TCF7L2: variants seen among roughly 807,000 people sequenced by gnomAD.
TCF7L2 encodes the protein transcription factor 7 like 2, also known as transcription factor 7-like 2.
Under a neutral mutation model 77.9 loss-of-function variants are expected in TCF7L2, and 23 were observed. The observed-to-expected ratio is 0.30, with a 90% confidence interval of 0.21 to 0.42. TCF7L2 has a LOEUF of 0.42. Ranked by LOEUF, TCF7L2 falls within the 10% of genes least tolerant of loss-of-function variation. The pLI is 1.00. For missense variants in TCF7L2, 654 were observed against 793.1 expected (o/e 0.82, Z 2.11); for synonymous variants, 413 against 340.2 (o/e 1.21, Z -2.36).
chr10:113,075,871 G>A (rs1368114903), intron 5 of TCF7L2, among the ~76,000 whole-genome samples: 8 of 151,694 alleles, frequency 5.3e-5, no homozygotes, highest in African/African-American at 7.3e-5. Flanking sequence ...TCTTACAGCC[G>A]GGGCCTGTAA....
At chr10:113,093,670 A>C (rs1373549529) in intron 5 of TCF7L2, among the ~76,000 whole-genome samples, 1 of 152,110 alleles carries the variant, frequency 6.6e-6, no homozygotes, top group Non-Finnish European at 1.5e-5. Context: ...GTCAATATCC[A>C]CCTGGGCAGG....
chr10:113,112,658 A>G (rs2136123440), intron 5 of TCF7L2, among the ~76,000 whole-genome samples: 1 of 152,354 alleles, frequency 6.6e-6, no homozygotes, highest in African/African-American at 2.4e-5. Context: ...ACTTCATGTG[A>G]ACAGCAAAAG....
At chr10:113,142,559 G>T (rs1204069073) in intron 6 of TCF7L2, among the ~76,000 whole-genome samples, 1 of 152,194 alleles carries the variant, frequency 6.6e-6, no homozygotes, top group South Asian at 2.1e-4. Context: ...TGTTAGAGGG[G>T]ATTGGTAGTG....
intron 5 of TCF7L2, among the ~76,000 whole-genome samples, chr10:113,088,969 A>G (rs2060104689): frequency 6.6e-6 from 1 of 152,162 alleles, no homozygotes. Flanking sequence ...CAGCTCCCCA[A>G]ACAGCTGAAG....
At chr10:112,997,990 AC>A (rs1182937485) in intron 4 of TCF7L2, among the ~76,000 whole-genome samples, 6 of 152,304 alleles carry the variant, frequency 3.9e-5, no homozygotes, top group African/African-American at 1.4e-4. Flanking sequence ...TGACAGTAAA[AC>A]AAAAAACAAA....
chr10:112,980,767 C>T (rs906422468), intron 4 of TCF7L2, among the ~76,000 whole-genome samples: 1 of 152,092 alleles, frequency 6.6e-6, no homozygotes, highest in African/African-American at 2.4e-5. Flanking sequence ...GCTGGGACTA[C>T]AGGCATCCAC....
chr10:113,084,846 A>C lies in TCF7L2; in HGVS notation c.552+44720A>C, dbSNP rs1000035390. ...GGGAGGCGGAGGTTGCAGTGAGCTG[A>C]GATTGCACCCCTGCACTCCAGCCTG... On this transcript the variant is annotated intron_variant, in intron 5 of 13. Transcript: ENST00000627217. Among the ~76,000 whole-genome samples the C allele has an allele frequency of 2.0e-5, 3 of 151,060 alleles. No homozygotes were observed. The East Asian group carries it at 5.9e-4, about 30-fold the overall frequency.
chr10:112,992,102 A>G (rs562567800), intron 4 of TCF7L2, among the ~76,000 whole-genome samples: 1 of 152,248 alleles, frequency 6.6e-6, no homozygotes, highest in Admixed American at 6.5e-5. Flanking sequence ...CCCTGGCAGG[A>G]TGCAGACTCC....
chr10:113,038,587 A>T (rs886260769), intron 4 of TCF7L2, among the ~76,000 whole-genome samples: 3 of 151,960 alleles, frequency 2.0e-5, no homozygotes, highest in African/African-American at 7.2e-5. Flanking sequence ...ATTTGTGCAA[A>T]CCCTTCTTTC....
At chr10:112,958,259 A>G (rs1348032169) in intron 3 of TCF7L2, among the ~76,000 whole-genome samples, 3 of 152,194 alleles carry the variant, frequency 2.0e-5, no homozygotes, top group Non-Finnish European at 4.4e-5. Context: ...GGAGGAAGGA[A>G]TGGCCAGGAG....
chr10:113,070,629 G>T (rs2057877558), intron 5 of TCF7L2, among the ~76,000 whole-genome samples: 1 of 152,130 alleles, frequency 6.6e-6, no homozygotes, highest in Non-Finnish European at 1.5e-5. Flanking sequence ...CCCACAGAAG[G>T]TACTGAAGTC....
At chr10:112,964,661 T>C in intron 4 of TCF7L2, 37 bp downstream of exon 4, 5 of 1,564,776 alleles carry the variant, frequency 3.2e-6, no homozygotes, top group Non-Finnish European at 4.4e-6. Flanking sequence ...TTGAATTGTC[T>C]ATATGTAGGT....
chr10:113,070,271 A>ATATG, intron 5 of TCF7L2, among the ~76,000 whole-genome samples: 1 of 135,058 alleles, frequency 7.4e-6, no homozygotes, highest in South Asian at 2.2e-4. Context: ...AAAAAAATTT[A>ATATG]TATATATATA....
rs74236159 is a variant in TCF7L2, at chr10:113,163,352, T to C, written c.1392-2203T>C. Among the ~76,000 whole-genome samples the C allele has an allele frequency of 2.1e-3, 326 of 152,324 alleles. 14 individuals are homozygous for C. In the East Asian group the frequency reaches 0.056, roughly 26 times the overall value. The stretch of plus-strand genomic sequence containing the variant: ...CCCACCAAGTTGCTTTTCCCATCTT[T>C]TCACTCTGCCCTAATATAGCATGGA... On this transcript the variant is annotated intron_variant, in intron 13 of 13. Transcript: ENST00000627217.
chr10:113,161,504 A>G (rs1475980708), intron 13 of TCF7L2: 3 of 1,477,102 alleles, frequency 2.0e-6, no homozygotes, highest in Non-Finnish European at 2.7e-6. Flanking sequence ...GATACCGACT[A>G]GCTCCTGTCT....
intron 5 of TCF7L2, among the ~76,000 whole-genome samples, chr10:113,077,881 A>G (rs1475973902): frequency 2.1e-5 from 3 of 145,792 alleles, no homozygotes; most frequent in African/African-American, 7.5e-5. Flanking sequence ...TTATTTATTT[A>G]TTTATTTATT....
rs142911665 is a variant in TCF7L2 at position 113,095,485 on chromosome 10, C to T, written c.553-45699C>T. On this transcript the variant is annotated intron_variant, in intron 5 of 13. Coordinates refer to ENST00000627217, the MANE Select transcript of TCF7L2 (RefSeq NM_001146274.2). ...GGACAAATTTTCTCTGCTGATCAAC[C>T]GCCGTGGTAGCATCAGTGGGCACTG... Among the ~76,000 whole-genome samples the T allele has an allele frequency of 1.7e-3, 260 of 152,268 alleles. 1 individual carries two copies. The highest frequency in any genetic ancestry group is 5.9e-3 in the African/African-American group (245 of 41,558).
intron 5 of TCF7L2, among the ~76,000 whole-genome samples, chr10:113,079,050 T>C (rs926838752): frequency 6.6e-6 from 1 of 152,048 alleles, no homozygotes; most frequent in African/African-American, 2.4e-5. Context: ...GCCAGGCTGG[T>C]CTCAAACTCC....
chr10:113,010,117 C>T (rs2046216252), intron 4 of TCF7L2, among the ~76,000 whole-genome samples: 1 of 151,926 alleles, frequency 6.6e-6, no homozygotes, highest in Non-Finnish European at 1.5e-5. Flanking sequence ...CCTGCAATGT[C>T]CTATAGAAGC....
Sources: allele counts gnomAD v4.1 joint callset (sites outside exome capture counted in the v4.1 genomes callset), GRCh38; gene constraint gnomAD v4.1.1; transcripts MANE v1.5; gene names NCBI Gene and HGNC (gene_info 2026-07-23, HGNC 2026-07-21).